Variants in NCALD observed in about 807,000 individuals in gnomAD.
NCALD encodes the protein neurocalcin delta, also known as neurocalcin-delta.
NCALD carries 10 observed loss-of-function variants against 18.6 expected under a neutral mutation model. That is an observed-to-expected ratio of 0.54 (90% CI 0.33 to 0.91). The LOEUF (loss-of-function observed/expected upper bound fraction) is 0.91. Among genes scored for constraint, NCALD ranks in the 40% least tolerant of loss-of-function variants. The pLI is 0.03. For missense variants in NCALD, 184 were observed against 247.6 expected, an observed-to-expected ratio of 0.74 and a Z score of 1.72; for synonymous variants, 88 against 87.4, an observed-to-expected ratio of 1.01 and a Z score of -0.04.
At chr8:102,044,027 A>G (rs971589732) in intron 1 of NCALD, among the ~76,000 whole-genome samples, 1 of 151,980 alleles carries the variant, frequency 6.6e-6, no homozygotes, top group Non-Finnish European at 1.5e-5. Context: ...TTCAAATGGT[A>G]TTAGAATCTC....
intron 2 of NCALD, among the ~76,000 whole-genome samples, chr8:101,715,625 A>C (rs1197531999): frequency 6.6e-6 from 1 of 152,248 alleles, no homozygotes; most frequent in Admixed American, 6.5e-5. Context: ...ATTTACAAGA[A>C]AAAAACAACC....
chr8:102,014,554 T>A (rs551999379), intron 2 of NCALD, among the ~76,000 whole-genome samples: 54 of 152,220 alleles, frequency 3.5e-4, no homozygotes, highest in African/African-American at 1.1e-3. Context: ...AGAGTTAATG[T>A]TTTTAAATGC....
chr8:101,780,257 T>C (rs1057051546), intron 1 of NCALD, among the ~76,000 whole-genome samples: 4 of 152,102 alleles, frequency 2.6e-5, no homozygotes, highest in Non-Finnish European at 4.4e-5. Flanking sequence ...TATATAAAAA[T>C]TGCACTGGGT....
intron 1 of NCALD, among the ~76,000 whole-genome samples, chr8:101,750,315 G>A (rs1053930280): frequency 6.6e-5 from 10 of 152,146 alleles, no homozygotes; most frequent in African/African-American, 2.4e-4. Context: ...TGGAAACACT[G>A]GAATTTAACC....
At chr8:101,892,239 C>T (rs1816932461) in intron 3 of NCALD, among the ~76,000 whole-genome samples, 1 of 148,422 alleles carries the variant, frequency 6.7e-6, no homozygotes, top group Admixed American at 6.6e-5. Context: ...GGAGGCACCC[C>T]CAAGCAGGGG....
At chr8:101,921,444 A>G (rs1438318684) in intron 2 of NCALD, among the ~76,000 whole-genome samples, 1 of 152,074 alleles carries the variant, frequency 6.6e-6, no homozygotes, top group African/African-American at 2.4e-5. Flanking sequence ...AAAACATTAG[A>G]AAAAGACGTA....
chr8:101,988,817 T>A (rs1250237957), intron 2 of NCALD, among the ~76,000 whole-genome samples: 8 of 148,250 alleles, frequency 5.4e-5, no homozygotes, highest in African/African-American at 1.7e-4. Flanking sequence ...CCCAGAGAGG[T>A]TCTGTACAGC....
chr8:101,874,798 G>C (rs1816162319), intron 4 of NCALD, among the ~76,000 whole-genome samples: 2 of 152,136 alleles, frequency 1.3e-5, no homozygotes, highest in Admixed American at 1.3e-4. Flanking sequence ...AAAGCACTGG[G>C]AATAGAGGTA....
intron 2 of NCALD, among the ~76,000 whole-genome samples, chr8:101,998,365 C>T (rs962905654): frequency 3.3e-5 from 5 of 152,064 alleles, no homozygotes; most frequent in African/African-American, 9.7e-5. Context: ...TATTCCCTGT[C>T]TCTCCCCACC....
intron 2 of NCALD, among the ~76,000 whole-genome samples, chr8:101,959,311 G>C (rs1056782342): frequency 6.6e-6 from 1 of 152,024 alleles, no homozygotes; most frequent in Non-Finnish European, 1.5e-5. Context: ...TAACATCCCA[G>C]AAGTGATGCT....
intron 1 of NCALD, among the ~76,000 whole-genome samples, chr8:101,777,918 A>G (rs1409333080): frequency 6.6e-6 from 1 of 152,228 alleles, no homozygotes; most frequent in Non-Finnish European, 1.5e-5. Context: ...GAGATTTTAG[A>G]GAGAGCTAAT....
chr8:101,726,035 A>C (rs928603075), intron 1 of NCALD, among the ~76,000 whole-genome samples: 2 of 152,152 alleles, frequency 1.3e-5, no homozygotes, highest in African/African-American at 2.4e-5. Context: ...AACTGTAAGA[A>C]GACTCTTTGA....
chr8:101,690,591 C>T, intron 3 of NCALD: 1 of 985,408 alleles, frequency 1.0e-6, no homozygotes, highest in Non-Finnish European at 1.2e-6. Context: ...ACAGAAACAC[C>T]AACAAACATA....
intron 2 of NCALD, among the ~76,000 whole-genome samples, chr8:101,963,241 C>A (rs1819899211): frequency 6.6e-6 from 1 of 152,128 alleles, no homozygotes; most frequent in Non-Finnish European, 1.5e-5. Context: ...CCAAGTTAGA[C>A]CTTCTAAACA....
At chr8:102,106,349 T>A (rs1371885275) in intron 1 of NCALD, among the ~76,000 whole-genome samples, 1 of 151,858 alleles carries the variant, frequency 6.6e-6, no homozygotes, top group Non-Finnish European at 1.5e-5. Flanking sequence ...GCTGGGATTA[T>A]AGGCGTGAGC....
At chr8:101,797,775 C>T (rs1414902816) in intron 4 of NCALD, among the ~76,000 whole-genome samples, 2 of 151,576 alleles carry the variant, frequency 1.3e-5, no homozygotes, top group African/African-American at 2.4e-5. Context: ...GAGATCATGC[C>T]ACTGCACTCC....
chr8:101,791,834 A>G (rs577586034), upstream of NCALD, among the ~76,000 whole-genome samples: 13 of 152,296 alleles, frequency 8.5e-5, no homozygotes, highest in South Asian at 2.7e-3. Context: ...AAACAGGGCC[A>G]GTGTTCCACA....
intron 1 of NCALD, among the ~76,000 whole-genome samples, chr8:101,769,654 G>A (rs1049601484): frequency 1.1e-4 from 17 of 151,278 alleles, no homozygotes; most frequent in Admixed American, 3.3e-4. Flanking sequence ...TGAGACACTG[G>A]CGAACATTTC....
At chr8:101,866,054 T>C (rs1815758129) in intron 4 of NCALD, among the ~76,000 whole-genome samples, 1 of 152,064 alleles carries the variant, frequency 6.6e-6, no homozygotes, top group African/African-American at 2.4e-5. Flanking sequence ...CAGGCTAGAG[T>C]TGTTGAAGGA....
Sources: gnomAD v4.1 joint callset for allele counts (sites outside exome capture counted in the v4.1 genomes callset) on GRCh38, gnomAD v4.1.1 for gene constraint, MANE v1.5 for transcripts, NCBI Gene and HGNC (gene_info 2026-07-23, HGNC 2026-07-21) for gene names.